The following TMC1 variants were observed in gnomAD, a reference collection of about 807,000 sequenced individuals.
TMC1 encodes the protein transmembrane channel like 1.
A neutral mutation model predicts 105.8 loss-of-function variants in TMC1; 84 were observed. That is an observed-to-expected ratio of 0.79 (90% CI 0.67 to 0.95). The LOEUF is 0.95. Among genes scored for constraint, TMC1 ranks in the 40% least tolerant of loss-of-function variants. TMC1 has a pLI of 0.00. For missense variants in TMC1, 817 were observed against 914.1 expected, an observed-to-expected ratio of 0.89 and a Z score of 1.37; for synonymous variants, 315 against 311.5, an observed-to-expected ratio of 1.01 and a Z score of -0.12.
At chr9:72,524,513 C>T (rs577689855) in intron 1 of TMC1, among the ~76,000 whole-genome samples, 1 of 152,246 alleles carries the variant, frequency 6.6e-6, no homozygotes, top group African/African-American at 2.4e-5. Context: ...CTCAAGGATG[C>T]GATCTCATTT....
In TMC1 at chr9:72,706,331, C is replaced by A. The variant is rs115465916; in HGVS notation, c.362+5688C>A. Among the ~76,000 whole-genome samples, 1,038 of 152,284 alleles carry A rather than the reference C, an allele frequency of 6.8e-3. 13 individuals carry two copies. The highest frequency in any genetic ancestry group is 0.023 in the African/African-American group (964 of 41,570). ...GATGCTATACAAGAGGACATTTAAG[C>A]GTGTGAACACACCCACCAACATACC... On this transcript the variant is annotated intron_variant, in intron 8 of 23. Coordinates refer to ENST00000297784, the MANE Select transcript of TMC1 (RefSeq NM_138691.3).
At chr9:72,582,928 TAAAC>T (rs1372678006) in intron 2 of TMC1, among the ~76,000 whole-genome samples, 6 of 152,090 alleles carry the variant, frequency 3.9e-5, no homozygotes, top group Admixed American at 3.3e-4. Context: ...TCATTACAAA[TAAAC>T]AGACAGGGCT....
intron 5 of TMC1, among the ~76,000 whole-genome samples, chr9:72,685,100 C>CTTTTTTTTTTTTTTT (rs71359515): frequency 3.3e-5 from 3 of 91,042 alleles, no homozygotes; most frequent in African/African-American, 1.4e-4. Context: ...TAAAGTCATT[C>CTTTTTTTTTTTTTTT]TTTTTTTTTT....
At chr9:72,583,526 C>A (rs192787271) in intron 2 of TMC1, among the ~76,000 whole-genome samples, 13 of 152,336 alleles carry the variant, frequency 8.5e-5, no homozygotes, top group Admixed American at 2.6e-4. Flanking sequence ...CAATTGTTTG[C>A]TGACTCAACA....
At chr9:72,577,805 G>A (rs1411957485) in intron 1 of TMC1, 97 bp from the exon 2 acceptor site, 1 of 152,018 alleles carries the variant, frequency 6.6e-6, no homozygotes, top group Non-Finnish European at 1.5e-5. Context: ...GGGTCTTCAC[G>A]CAGCCAGCAT....
intron 2 of TMC1, among the ~76,000 whole-genome samples, chr9:72,601,517 C>T (rs1017027499): frequency 3.9e-5 from 6 of 151,900 alleles, no homozygotes; most frequent in South Asian, 2.1e-4. Flanking sequence ...TAGTGGTGGG[C>T]GCTTGTAATC....
chr9:72,700,463 T>C, intron 7 of TMC1, 55 bp from the exon 8 acceptor site: 2 of 1,472,240 alleles, frequency 1.4e-6, no homozygotes, highest in Non-Finnish European at 9.2e-7. Context: ...TTCCTTAAGT[T>C]CCAAAGTCAA....
At chr9:72,653,203 C>T (rs1024258323) in intron 5 of TMC1, among the ~76,000 whole-genome samples, 1 of 152,148 alleles carries the variant, frequency 6.6e-6, no homozygotes, top group Non-Finnish European at 1.5e-5. Context: ...AGTCCCTTCT[C>T]TCAAAGCGTT....
chr9:72,756,491 C>T (rs1276417568), intron 12 of TMC1, among the ~76,000 whole-genome samples: 1 of 152,100 alleles, frequency 6.6e-6, no homozygotes, highest in Non-Finnish European at 1.5e-5. Flanking sequence ...TCCACCTCTT[C>T]CTCCTCCCCT....
At position 72,713,862 on chromosome 9, in the gene TMC1, G is replaced by C. The variant is rs2117919395; in HGVS notation, c.362+13219G>C. ...CTAGTTCTTTTAATTGTGATTTTAG[G>C]GTGTCGATTTTAGATCTTTCTTTCT... On this transcript the variant is annotated intron_variant, in intron 8 of 23. Coordinates refer to ENST00000297784, the MANE Select transcript of TMC1 (RefSeq NM_138691.3). 1.3e-5 allele frequency among the ~76,000 whole-genome samples: 2 copies of C among 151,540 alleles called. 1 individual carries two copies. The highest frequency in any genetic ancestry group is 4.2e-4 in the South Asian group (2 of 4,784).
intron 2 of TMC1, among the ~76,000 whole-genome samples, chr9:72,590,332 T>C (rs1824616881): frequency 6.6e-6 from 1 of 152,218 alleles, no homozygotes; most frequent in Admixed American, 6.5e-5. Context: ...TGTGTAGCTT[T>C]CAAGCTGAGT....
At chr9:72,739,457 G>GT (rs1415753641) in intron 8 of TMC1, among the ~76,000 whole-genome samples, 1 of 152,184 alleles carries the variant, frequency 6.6e-6, no homozygotes, top group Non-Finnish European at 1.5e-5. Context: ...ATGAATTAAT[G>GT]TTTTTTATTA....
At chr9:72,564,780 A>T (rs1165738681) in intron 1 of TMC1, among the ~76,000 whole-genome samples, 1 of 152,170 alleles carries the variant, frequency 6.6e-6, no homozygotes, top group Non-Finnish European at 1.5e-5. Context: ...AATGGAAAGA[A>T]CTCTGAGCAA....
chr9:72,543,789 G>T (rs770074921), intron 1 of TMC1, among the ~76,000 whole-genome samples: 4 of 151,968 alleles, frequency 2.6e-5, no homozygotes, highest in African/African-American at 9.7e-5. Flanking sequence ...TTTTTTAAGA[G>T]AAGGGTCTCT....
At chr9:72,538,042 G>C (rs1437020304) in intron 1 of TMC1, among the ~76,000 whole-genome samples, 1 of 151,858 alleles carries the variant, frequency 6.6e-6, no homozygotes, top group African/African-American at 2.4e-5. Flanking sequence ...TGTAGTCCTT[G>C]CTACTCGAGA....
intron 11 of TMC1, among the ~76,000 whole-genome samples, chr9:72,752,473 C>CACAA (rs1444454344): frequency 6.6e-6 from 1 of 151,612 alleles, no homozygotes. Flanking sequence ...CACACACACA[C>CACAA]AAATAGTGGG....
At position 72,763,224 on chromosome 9, in the gene TMC1, C is replaced by A. The variant is rs560241603; in HGVS notation, c.741+8340C>A. On this transcript the variant is annotated intron_variant, in intron 12 of 23. Transcript: ENST00000297784. ...GCATATGATCCTAATGCTATACTTA[C>A]AATATGAAAACAGCATTCCTTCTTT... 1.5e-4 allele frequency among the ~76,000 whole-genome samples: 23 copies of A among 150,906 alleles called. No homozygotes were observed. In the East Asian group the frequency reaches 4.6e-3, roughly 30 times the overall value.
chr9:72,799,635 C>T (rs1014044162), intron 17 of TMC1, among the ~76,000 whole-genome samples: 1 of 152,078 alleles, frequency 6.6e-6, no homozygotes, highest in African/African-American at 2.4e-5. Context: ...CAGACATGCA[C>T]ATTTCATACA....
chr9:72,539,946 T>C (rs1192090027), intron 1 of TMC1, among the ~76,000 whole-genome samples: 2 of 152,160 alleles, frequency 1.3e-5, no homozygotes, highest in African/African-American at 2.4e-5. Flanking sequence ...GAAGCTTCCA[T>C]TCATGGCAGA....
Sources: allele counts gnomAD v4.1 joint callset (sites outside exome capture counted in the v4.1 genomes callset), GRCh38; gene constraint gnomAD v4.1.1; transcripts MANE v1.5; gene names NCBI Gene and HGNC (gene_info 2026-07-23, HGNC 2026-07-21).